DACH2: variants seen among roughly 807,000 people sequenced by gnomAD.
The protein encoded by DACH2 is dachshund homolog 2.
In DACH2, 17 loss-of-function variants were observed where a neutral mutation model predicts 35.8. That is an observed-to-expected ratio of 0.48 (90% confidence interval 0.33 to 0.71). DACH2 has a LOEUF of 0.71. Ranked by LOEUF, DACH2 falls within the 30% of genes least tolerant of loss-of-function variation. DACH2 has a pLI of 0.02. For missense variants in DACH2, 469 were observed against 472.7 expected, an observed-to-expected ratio of 0.99 and a Z score of 0.07; for synonymous variants, 195 against 177.3, an observed-to-expected ratio of 1.10 and a Z score of -0.79.
At chrX:86,381,564 A>G (rs1208408252) in intron 2 of DACH2, among the ~76,000 whole-genome samples, 2 of 110,996 alleles carry the variant, frequency 1.8e-5, no homozygotes, top group Non-Finnish European at 3.8e-5. Flanking sequence ...AACTCTGCAC[A>G]TAAATCTGTG....
At chrX:86,214,527 C>T (rs916282151) in intron 1 of DACH2, among the ~76,000 whole-genome samples, 6 of 111,731 alleles carry the variant, frequency 5.4e-5, no homozygotes, top group African/African-American at 1.3e-4. Context: ...CTCTACAGTG[C>T]GTGCAGATGA....
At chrX:86,820,713 C>G (rs2042503315) in intron 11 of DACH2, among the ~76,000 whole-genome samples, 2 of 110,946 alleles carry the variant, frequency 1.8e-5, no homozygotes, top group Non-Finnish European at 3.8e-5. Context: ...TGGCGTAGAA[C>G]ATTTAATATA....
At chrX:86,435,373 G>A (rs759687662) in intron 2 of DACH2, among the ~76,000 whole-genome samples, 18 of 111,662 alleles carry the variant, frequency 1.6e-4, no homozygotes, top group South Asian at 3.7e-4. Flanking sequence ...ATGATCAGCC[G>A]CTTATATTGA....
chrX:86,239,893 T>C (rs960325605), intron 1 of DACH2, among the ~76,000 whole-genome samples: 4 of 111,834 alleles, frequency 3.6e-5, no homozygotes, highest in Admixed American at 2.9e-4. Context: ...TGTAATGAAG[T>C]TTGTTAGAAT....
intron 3 of DACH2, among the ~76,000 whole-genome samples, chrX:86,625,851 C>T (rs900047087): frequency 5.4e-5 from 6 of 111,402 alleles, no homozygotes; most frequent in African/African-American, 1.6e-4. Context: ...TTACCTCCCA[C>T]CAGGTCTTCC....
At chrX:86,428,002 G>T (rs1001558454) in intron 2 of DACH2, among the ~76,000 whole-genome samples, 1 of 111,537 alleles carries the variant, frequency 9.0e-6, no homozygotes, top group Non-Finnish European at 1.9e-5. Context: ...AGCGTGGATT[G>T]TTATTCAAAT....
intron 1 of DACH2, among the ~76,000 whole-genome samples, chrX:86,221,202 T>G (rs1444861365): frequency 1.8e-5 from 2 of 111,873 alleles, no homozygotes; most frequent in Non-Finnish European, 3.8e-5. Context: ...AATCTTCTGT[T>G]TAAGTATTTA....
At chrX:86,805,119 G>T (rs1377689086) in intron 7 of DACH2, among the ~76,000 whole-genome samples, 1 of 112,551 alleles carries the variant, frequency 8.9e-6, no homozygotes, top group Non-Finnish European at 1.9e-5. Flanking sequence ...CTCCATGAGG[G>T]CTCCACCCCT....
At position 86,805,063 on chromosome X, in the gene DACH2, G is replaced by A. The variant is rs1053480002; in HGVS notation, c.1241-7793G>A. On this transcript the variant is annotated intron_variant, in intron 7 of 11. Coordinates refer to ENST00000373125, the MANE Select transcript of DACH2 (RefSeq NM_053281.3). ...GTGCCCCAATGGGGACTCTGTGTGGGGGCTCCAACTCCATATTTCCCTTCT... is the reference window on the plus strand; with the variant it reads ...GTGCCCCAATGGGGACTCTGTGTGGAGGCTCCAACTCCATATTTCCCTTCT... Among the ~76,000 whole-genome samples, 3 of 112,258 alleles carry A rather than the reference G, an allele frequency of 2.7e-5. No individual in the cohort carries two copies. The Admixed American group carries it at 2.8e-4, about 11-fold the overall frequency.
chrX:86,406,283 G>C (rs922789883), intron 2 of DACH2, among the ~76,000 whole-genome samples: 5 of 111,926 alleles, frequency 4.5e-5, no homozygotes. Context: ...CAAACTAAGA[G>C]AGGAACAGAA....
chrX:86,420,616 A>G (rs771740079), intron 2 of DACH2, among the ~76,000 whole-genome samples: 1 of 111,878 alleles, frequency 8.9e-6, no homozygotes, highest in Non-Finnish European at 1.9e-5. Flanking sequence ...CGGTATAATT[A>G]CATTACAGAA....
chrX:86,739,537 T>C (rs2041631482), intron 6 of DACH2, among the ~76,000 whole-genome samples: 1 of 112,117 alleles, frequency 8.9e-6, no homozygotes, highest in Non-Finnish European at 1.9e-5. Context: ...TTTTTTGACT[T>C]TTTCTATAAT....
chrX:86,538,830 T>A (rs1234331467), intron 3 of DACH2, among the ~76,000 whole-genome samples: 1 of 111,490 alleles, frequency 9.0e-6, no homozygotes, highest in Non-Finnish European at 1.9e-5. Context: ...GCAGAGAGTG[T>A]CCCAATAAGT....
At chrX:86,393,062 G>A (rs2036227721) in intron 2 of DACH2, among the ~76,000 whole-genome samples, 1 of 110,742 alleles carries the variant, frequency 9.0e-6, no homozygotes, top group Admixed American at 9.7e-5. Context: ...GATGTCAATA[G>A]TGCTGAGGTT....
chrX:86,624,050 A>AAAAAC (rs1461795405), intron 3 of DACH2, among the ~76,000 whole-genome samples: 3 of 64,174 alleles, frequency 4.7e-5, no homozygotes, highest in Admixed American at 1.5e-4. Context: ...TCCGTCTCAA[A>AAAAAC]AAAACAAAAC....
chrX:86,665,396 C>G (rs2040656101), intron 4 of DACH2, among the ~76,000 whole-genome samples: 1 of 111,507 alleles, frequency 9.0e-6, no homozygotes, highest in African/African-American at 3.3e-5. Context: ...TCAAGTGTGT[C>G]TCTTAAGGTT....
chrX:86,483,113 A>G (rs1167945198), intron 2 of DACH2, among the ~76,000 whole-genome samples: 1 of 106,504 alleles, frequency 9.4e-6, no homozygotes, highest in African/African-American at 3.5e-5. Context: ...CAATGTGCAC[A>G]TGTACCCTAA....
chrX:86,289,187 A>G (rs1396731699), intron 1 of DACH2, among the ~76,000 whole-genome samples: 1 of 108,079 alleles, frequency 9.3e-6, no homozygotes, highest in Non-Finnish European at 1.9e-5. Flanking sequence ...CTCAGGAGGA[A>G]GGTCCTGGAA....
chrX:86,801,901 C>G (rs1012700084), intron 7 of DACH2, among the ~76,000 whole-genome samples: 11 of 111,741 alleles, frequency 9.8e-5, no homozygotes, highest in African/African-American at 3.3e-4. Flanking sequence ...ATCTATGTTA[C>G]AAATTGGCCC....
Sources: gnomAD v4.1 joint callset for allele counts (sites outside exome capture counted in the v4.1 genomes callset) on GRCh38, gnomAD v4.1.1 for gene constraint, MANE v1.5 for transcripts, NCBI Gene and HGNC (gene_info 2026-07-23, HGNC 2026-07-21) for gene names.